Variants in NEGR1 observed in about 807,000 individuals in gnomAD.
The protein encoded by NEGR1 is IgLON family member 4.
NEGR1 carries 10 observed loss-of-function variants against 40.9 expected under a neutral mutation model. That is an observed-to-expected ratio of 0.24 (90% CI 0.15 to 0.42). NEGR1 has a LOEUF of 0.42. NEGR1 is among the 10% of genes least tolerant of loss of function. The pLI is 1.00. For missense variants in NEGR1, 352 were observed against 438.9 expected (o/e 0.80, Z 1.77); for synonymous variants, 185 against 166.8 (o/e 1.11, Z -0.84).
At chr1:72,014,164 G>A (rs1232334898) in intron 1 of NEGR1, among the ~76,000 whole-genome samples, 1 of 151,728 alleles carries the variant, frequency 6.6e-6, no homozygotes, top group African/African-American at 2.4e-5. Context: ...ACGTTTTAAA[G>A]TTATACTTAT....
intron 5 of NEGR1, 59 bp from the exon 6 acceptor site, chr1:71,593,027 T>A (rs1030381160): frequency 7.6e-7 from 1 of 1,316,178 alleles, no homozygotes; most frequent in Admixed American, 1.8e-5. Flanking sequence ...TTCATTTTTT[T>A]ATCTTAGCTG....
chr1:72,075,846 G>C (rs1220615146), intron 1 of NEGR1, among the ~76,000 whole-genome samples: 1 of 151,982 alleles, frequency 6.6e-6, no homozygotes, highest in Admixed American at 6.6e-5. Context: ...CCTGATAATT[G>C]GTGAAAAAAT....
At chr1:71,692,327 T>C (rs1266923859) in intron 4 of NEGR1, among the ~76,000 whole-genome samples, 1 of 151,564 alleles carries the variant, frequency 6.6e-6, no homozygotes, top group Non-Finnish European at 1.5e-5. Flanking sequence ...GTATCCTAAA[T>C]TACAAGCAGA....
intron 2 of NEGR1, among the ~76,000 whole-genome samples, chr1:71,888,446 A>G (rs550851397): frequency 1.3e-5 from 2 of 151,854 alleles, no homozygotes; most frequent in African/African-American, 4.8e-5. Context: ...GAGTCAAAGA[A>G]AGGGGTGACG....
chr1:72,077,645 TAA>T (rs1189417771), intron 1 of NEGR1, among the ~76,000 whole-genome samples: 4 of 150,524 alleles, frequency 2.7e-5, no homozygotes, highest in African/African-American at 9.8e-5. Context: ...AATAAATAAA[TAA>T]ATAAATAAAT....
intron 1 of NEGR1, among the ~76,000 whole-genome samples, chr1:72,248,593 AT>A (rs1222997509): frequency 7.0e-6 from 1 of 143,374 alleles, no homozygotes; most frequent in African/African-American, 2.6e-5. Flanking sequence ...TATTATTATT[AT>A]TATTATTATT....
chr1:71,957,080 A>G (rs1040101968), intron 1 of NEGR1, among the ~76,000 whole-genome samples: 2 of 152,174 alleles, frequency 1.3e-5, no homozygotes, highest in Non-Finnish European at 2.9e-5. Flanking sequence ...GAAATAATAC[A>G]CAAGTATTCC....
chr1:71,932,507 T>C (rs1051145955), intron 2 of NEGR1, among the ~76,000 whole-genome samples: 3 of 152,076 alleles, frequency 2.0e-5, no homozygotes, highest in Non-Finnish European at 4.4e-5. Flanking sequence ...TTATTTATAT[T>C]AATAGCTCTA....
intron 1 of NEGR1, among the ~76,000 whole-genome samples, chr1:72,125,931 T>A (rs550721429): frequency 6.6e-5 from 10 of 152,148 alleles, no homozygotes; most frequent in Non-Finnish European, 1.5e-5. Flanking sequence ...TCTAGAATTT[T>A]TATTACATTC....
At chr1:71,779,436 G>A (rs1488197092) in intron 2 of NEGR1, among the ~76,000 whole-genome samples, 14 of 152,088 alleles carry the variant, frequency 9.2e-5, no homozygotes, top group Admixed American at 9.2e-4. Flanking sequence ...AGTAAAACAA[G>A]TTCAATAGGT....
rs916869973 is a variant in NEGR1 at position 71,532,294 on chromosome 1, C to T, written c.940+60523G>A. Among the ~76,000 whole-genome samples, 4 of 151,464 alleles carry T rather than the reference C, an allele frequency of 2.6e-5. No individual in the cohort carries two copies. In the Admixed American group the frequency reaches 2.6e-4, roughly 10 times the overall value. ...TTAAAAACACACTTAACAGCAATGG[C>T]CTATCTTTTCAAAGTATTTGTGGCT... On this transcript the variant is annotated intron_variant, in intron 6 of 6. Coordinates refer to ENST00000357731, the MANE Select transcript of NEGR1 (RefSeq NM_173808.3).
At chr1:72,113,457 A>G (rs1649457843) in intron 1 of NEGR1, among the ~76,000 whole-genome samples, 1 of 145,116 alleles carries the variant, frequency 6.9e-6, no homozygotes. Flanking sequence ...ATGTGTTTAG[A>G]AAAAAAATAT....
At position 71,561,740 on chromosome 1, in the gene NEGR1, T is replaced by C. The variant is rs531963499; in HGVS notation, c.940+31077A>G. Among the ~76,000 whole-genome samples, 4 of 151,806 alleles carry C rather than the reference T, an allele frequency of 2.6e-5. No individual in the cohort carries two copies. The South Asian group carries it at 8.3e-4, about 31-fold the overall frequency. On this transcript the variant is annotated intron_variant, in intron 6 of 6. Coordinates refer to ENST00000357731, the MANE Select transcript of NEGR1 (RefSeq NM_173808.3). ...AAGAGTCCTGTATGGCCAGATATGTTGAGTTCCAGAGTTTTTGGGGTTGAG... is the reference window on the plus strand; with the variant it reads ...AAGAGTCCTGTATGGCCAGATATGTCGAGTTCCAGAGTTTTTGGGGTTGAG...
At chr1:72,042,280 G>A (rs1646963605) in intron 1 of NEGR1, among the ~76,000 whole-genome samples, 1 of 151,700 alleles carries the variant, frequency 6.6e-6, no homozygotes, top group African/African-American at 2.4e-5. Context: ...CCACTGATGG[G>A]CCATAATGGA....
At chr1:72,086,227 A>C (rs1354311804) in intron 1 of NEGR1, among the ~76,000 whole-genome samples, 1 of 152,166 alleles carries the variant, frequency 6.6e-6, no homozygotes, top group Non-Finnish European at 1.5e-5. Context: ...CATTATTGAC[A>C]AAACTATCAA....
At chr1:71,817,923 A>G (rs916799109) in intron 2 of NEGR1, among the ~76,000 whole-genome samples, 3 of 152,032 alleles carry the variant, frequency 2.0e-5, no homozygotes, top group African/African-American at 7.2e-5. Flanking sequence ...TGGGGCCAAC[A>G]GGCATATGAA....
intron 1 of NEGR1, among the ~76,000 whole-genome samples, chr1:71,988,640 A>T (rs1008329946): frequency 5.9e-5 from 9 of 151,706 alleles, no homozygotes; most frequent in Non-Finnish European, 1.3e-4. Context: ...TAAAAAAGGA[A>T]GGAGGGAAAA....
chr1:71,524,355 T>A (rs188670119), intron 6 of NEGR1, among the ~76,000 whole-genome samples: 38 of 143,896 alleles, frequency 2.6e-4, no homozygotes, highest in African/African-American at 6.2e-4. Context: ...TGTGTGTGTG[T>A]GATATCAACC....
At chr1:71,898,830 A>G (rs1420112195) in intron 2 of NEGR1, among the ~76,000 whole-genome samples, 1 of 148,370 alleles carries the variant, frequency 6.7e-6, no homozygotes, top group Non-Finnish European at 1.5e-5. Context: ...ACATATATAT[A>G]AAAGAAAAAA....
Sources: allele counts gnomAD v4.1 joint callset (sites outside exome capture counted in the v4.1 genomes callset), GRCh38; gene constraint gnomAD v4.1.1; transcripts MANE v1.5; gene names NCBI Gene and HGNC (gene_info 2026-07-23, HGNC 2026-07-21).